CLIP2: variants seen among roughly 807,000 people sequenced by gnomAD.
The protein encoded by CLIP2 is CAP-Gly domain-containing linker protein 2.
Under a neutral mutation model 111.7 loss-of-function variants are expected in CLIP2, and 41 were observed. That is an observed-to-expected ratio of 0.37 (90% CI 0.29 to 0.48). The LOEUF is 0.48. Among genes scored for constraint, CLIP2 ranks in the 20% least tolerant of loss-of-function variants. The probability of loss-of-function intolerance (pLI) is 0.99; values close to 1 mark genes in which losing one functional copy is unlikely to be tolerated. For synonymous variants in CLIP2, 660 were observed against 644.2 expected (o/e 1.02, Z -0.37); for missense variants, 1,160 against 1,422.1 (o/e 0.82, Z 2.96).
chr7:74,336,476 C>T (rs502158), intron 2 of CLIP2, among the ~76,000 whole-genome samples: 92,424 of 151,464 alleles, frequency 0.61, 30,100 homozygotes, highest in Non-Finnish European at 0.73. Flanking sequence ...TCTTACATGG[C>T]GGCAGACAAG....
rs377666870 is a variant in CLIP2, at chr7:74,304,313, G to C, written c.-67-13167G>C. Among the ~76,000 whole-genome samples, 154 of 151,536 alleles carry C rather than the reference G, an allele frequency of 1.0e-3. 1 individual carries two copies. Among genetic ancestry groups the C allele is most frequent in the African/African-American group, 3.6e-3 (148 of 41,338 alleles). ...AGGCCAAGGCAGGTGGATCACCTGA[G>C]GTCAGGAGTTCAAGACCAGCCTGGC... On this transcript the variant is annotated intron_variant, in intron 1 of 16. Transcript: ENST00000223398.
At chr7:74,336,069 ATTCTT>A (rs1554732070) in intron 2 of CLIP2, among the ~76,000 whole-genome samples, 5 of 147,646 alleles carry the variant, frequency 3.4e-5, no homozygotes, top group Admixed American at 1.4e-4. Context: ...TTTCTTTTCT[ATTCTT>A]TTCTTTTCTT....
chr7:74,303,125 G>A (rs372575545), intron 1 of CLIP2, among the ~76,000 whole-genome samples: 13 of 152,144 alleles, frequency 8.5e-5, no homozygotes, highest in Admixed American at 3.3e-4. Context: ...TTCAGGTTCC[G>A]CCTCAGAGCC....
Position 74,364,278 on chromosome 7 carries a change from G to A in CLIP2, c.1343G>A (p.Arg448His), listed in dbSNP as rs140333329. The A allele has an allele frequency of 3.7e-6, 6 of 1,613,564 alleles. No homozygotes were observed. Among genetic ancestry groups the A allele is most frequent in the African/African-American group, 1.3e-5 (1 of 74,920 alleles). The change falls in exon 8 of 17, where the codon CGC (arginine) becomes CAC (histidine). Residue 448 changes from arginine to histidine, a missense_variant. Coordinates refer to ENST00000223398, the MANE Select transcript of CLIP2 (RefSeq NM_003388.5). ...ERRKVEDLQF[R>H]VEEESITKGD... ...AGGAAGGTGGAGGATCTGCAGTTCCGCGTGGAGGAGGAGTCCATCACCAAG... is the reference window on the plus strand; with the variant it reads ...AGGAAGGTGGAGGATCTGCAGTTCCACGTGGAGGAGGAGTCCATCACCAAG...
At chr7:74,320,211 A>G (rs2116508473) in intron 2 of CLIP2, among the ~76,000 whole-genome samples, 1 of 145,862 alleles carries the variant, frequency 6.9e-6, no homozygotes, top group African/African-American at 2.5e-5. Context: ...AAAAAAAAAA[A>G]AAAAAGAAAG....
rs1295965279 is a variant in CLIP2, at chr7:74,400,289, G to C, written c.2881-81G>C. On this transcript the variant is annotated intron_variant, in intron 14 of 16. Transcript: ENST00000223398. Reference sequence around the variant, plus strand: ...ACCCAGAGACAAAGTGAGGCTGGAAGACTTTCCTGCCTAGAGTTGAGACGC... The same window carrying C: ...ACCCAGAGACAAAGTGAGGCTGGAACACTTTCCTGCCTAGAGTTGAGACGC... 3 of 1,245,796 alleles carry C rather than the reference G, an allele frequency of 2.4e-6. No homozygotes were observed. In the African/African-American group the frequency reaches 4.5e-5, roughly 19 times the overall value. 77.2% of individuals were successfully genotyped at this position (1,245,796 alleles called of 1,614,324 possible).
intron 3 of CLIP2, among the ~76,000 whole-genome samples, chr7:74,346,130 C>T (rs1430634471): frequency 6.6e-6 from 1 of 152,004 alleles, no homozygotes; most frequent in Non-Finnish European, 1.5e-5. Flanking sequence ...AGGTGTGTGC[C>T]ACCACACCCA....
At chr7:74,382,919 C>G (rs2116673148) in intron 11 of CLIP2, among the ~76,000 whole-genome samples, 1 of 150,320 alleles carries the variant, frequency 6.7e-6, no homozygotes, top group Admixed American at 6.7e-5. Flanking sequence ...AAAAAATACC[C>G]CCCTCCAAAA....
At chr7:74,310,447 A>G (rs542618449) in intron 1 of CLIP2, among the ~76,000 whole-genome samples, 1 of 152,168 alleles carries the variant, frequency 6.6e-6, no homozygotes, top group Non-Finnish European at 1.5e-5. Context: ...ACTTGAGCCC[A>G]GGAACTTCCA....
At chr7:74,300,557 G>A (rs949660673) in intron 1 of CLIP2, among the ~76,000 whole-genome samples, 2 of 151,036 alleles carry the variant, frequency 1.3e-5, no homozygotes, top group Non-Finnish European at 2.9e-5. Flanking sequence ...CCAGGTTCAC[G>A]CCATTCTCCT....
intron 8 of CLIP2, among the ~76,000 whole-genome samples, chr7:74,369,217 G>C (rs1260127481): frequency 1.3e-5 from 2 of 152,120 alleles, no homozygotes; most frequent in Non-Finnish European, 2.9e-5. Context: ...TGGGCATGGT[G>C]GTGGGCACCA....
At chr7:74,298,477 T>C (rs983709570) in intron 1 of CLIP2, among the ~76,000 whole-genome samples, 1 of 151,816 alleles carries the variant, frequency 6.6e-6, no homozygotes, top group South Asian at 2.1e-4. Context: ...GTGCTGGGAT[T>C]ACAGGCATGA....
chr7:74,346,057 C>T (rs1789788513), intron 3 of CLIP2, among the ~76,000 whole-genome samples: 1 of 152,020 alleles, frequency 6.6e-6, no homozygotes, highest in Non-Finnish European at 1.5e-5. Context: ...TAGCTCACTG[C>T]ACCCTCAAAC....
intron 15 of CLIP2, among the ~76,000 whole-genome samples, 155 bp downstream of exon 15, chr7:74,400,710 C>T (rs944563555): frequency 6.6e-6 from 1 of 151,044 alleles, no homozygotes; most frequent in African/African-American, 2.4e-5. Flanking sequence ...GGGAGGTAGC[C>T]CTGTCCCAGA....
At chr7:74,402,630 T>A (rs1437099984) in intron 16 of CLIP2, among the ~76,000 whole-genome samples, 1 of 152,096 alleles carries the variant, frequency 6.6e-6, no homozygotes, top group Non-Finnish European at 1.5e-5. Flanking sequence ...AGTTTGAGGC[T>A]GCAGTGAGCT....
intron 8 of CLIP2, among the ~76,000 whole-genome samples, chr7:74,365,515 G>T (rs1157706882): frequency 6.6e-6 from 1 of 152,182 alleles, no homozygotes; most frequent in East Asian, 1.9e-4. Flanking sequence ...ATTGAGAGAG[G>T]CTCTGATTGG....
rs545533880 is a variant in CLIP2 at position 74,372,407 on chromosome 7, G to C, written c.1381-525G>C. On this transcript the variant is annotated intron_variant, in intron 8 of 16. Transcript: ENST00000223398. ...TGCACTTTTAGCACAGGCCTTGGGG[G>C]GGGGGGGGAGTCGAGCGGGAATCCC... Among the ~76,000 whole-genome samples the C allele has an allele frequency of 1.4e-4, 21 of 149,052 alleles. 1 individual carries two copies. The highest frequency in any genetic ancestry group is 4.0e-4 in the East Asian group (2 of 5,038).
intron 2 of CLIP2, among the ~76,000 whole-genome samples, chr7:74,331,813 A>C (rs1211367632): frequency 6.6e-6 from 1 of 151,644 alleles, no homozygotes; most frequent in Non-Finnish European, 1.5e-5. Flanking sequence ...GAACTCAGGT[A>C]ATCCACCCGC....
chr7:74,401,798 G>T, intron 16 of CLIP2: 1 of 644,178 alleles, frequency 1.6e-6, no homozygotes, highest in Non-Finnish European at 2.8e-6. Flanking sequence ...GGGCGCAGTG[G>T]CCCACGCCTG....
Sources: gnomAD v4.1 joint callset for allele counts (sites outside exome capture counted in the v4.1 genomes callset) on GRCh38, gnomAD v4.1.1 for gene constraint, MANE v1.5 for transcripts, NCBI Gene and HGNC (gene_info 2026-07-23, HGNC 2026-07-21) for gene names.